Variants in KATNAL2 observed in about 807,000 individuals in gnomAD.
KATNAL2 encodes the protein katanin p60 ATPase-containing subunit A-like 2.
A neutral mutation model predicts 76.3 loss-of-function variants in KATNAL2; 52 were observed. The observed-to-expected ratio is 0.68, with a 90% CI of 0.55 to 0.86. The LOEUF is 0.86. Ranked by LOEUF, KATNAL2 falls within the 40% of genes least tolerant of loss-of-function variation. KATNAL2 has a pLI of 0.00. For missense variants in KATNAL2, 660 were observed against 668.9 expected (o/e 0.99, Z 0.15); for synonymous variants, 243 against 244.2 (o/e 1.00, Z 0.05).
chr18:46,939,758 T>C (rs2059194519), intron 1 of KATNAL2, among the ~76,000 whole-genome samples: 2 of 152,200 alleles, frequency 1.3e-5, no homozygotes, highest in African/African-American at 4.8e-5. Flanking sequence ...GTCATACTAA[T>C]GGCAGGACAC....
At chr18:47,086,466 C>T (rs1049656228) in intron 15 of KATNAL2, among the ~76,000 whole-genome samples, 1 of 152,178 alleles carries the variant, frequency 6.6e-6, no homozygotes, top group Non-Finnish European at 1.5e-5. Flanking sequence ...CAGACACCCA[C>T]CACCATGCCC....
rs1195140135 is a variant in KATNAL2 at position 47,043,226 on chromosome 18, CAAA to C, written c.52-3214_52-3212del. Among the ~76,000 whole-genome samples, 6 of 41,680 alleles carry C rather than the reference CAAA, an allele frequency of 1.4e-4. 1 individual carries two copies. Among genetic ancestry groups the C allele is most frequent in the African/African-American group, 3.2e-4 (3 of 9,358 alleles). The allele number at this position is 41,680 out of a possible 152,430, so 27.3% of individuals were successfully genotyped here. ...CCGGCGACAGAGCGAGACTCCGTTT[CAAA>C]AAAAAAAAAAAAAAAAGAGATCCTA... On this transcript the variant is annotated intron_variant, in intron 3 of 17. Transcript: ENST00000683218.
intron 3 of KATNAL2, chr18:47,032,875 A>T: frequency 6.4e-7 from 1 of 1,562,600 alleles, no homozygotes; most frequent in South Asian, 1.2e-5. Flanking sequence ...CACCTGCAGA[A>T]TTCAAAGGCT....
chr18:46,951,024 T>C (rs143235514), intron 3 of KATNAL2, among the ~76,000 whole-genome samples: 14 of 152,302 alleles, frequency 9.2e-5, no homozygotes, highest in Non-Finnish European at 1.6e-4. Flanking sequence ...TTCTCAGTTA[T>C]AGTCGACTCA....
intron 4 of KATNAL2, 130 bp from the exon 5 acceptor site, chr18:47,052,750 C>T (rs1266423025): frequency 6.7e-6 from 4 of 600,386 alleles, no homozygotes; most frequent in African/African-American, 5.7e-5. Context: ...TATGCACATA[C>T]TAGTTTTCAT....
rs1171392870 is a variant in KATNAL2, at chr18:47,069,222, T to G, written c.828T>G (p.Tyr276Ter). The G allele has an allele frequency of 6.2e-7, 1 of 1,610,232 alleles. No individual in the cohort carries two copies. The highest frequency in any genetic ancestry group is 8.5e-7 in the Non-Finnish European group (1 of 1,177,398). ...VKEAVVYPIRYPQLFTGILSP... is the reference protein window; with the variant it reads ...VKEAVVYPIR The stretch of plus-strand genomic sequence containing the variant: ...ATCCTTGTTCCTTGTTTCCTTAGTA[T>G]CCACAGCTATTTACAGGAATTCTTT... The change falls in exon 12 of 18, where the codon TAT (tyrosine) becomes TAG (stop). Residue 276 changes from tyrosine to a stop codon, truncating the protein, a stop_gained and splice_region_variant. Transcript: ENST00000683218. LOFTEE classifies it high-confidence loss of function.
rs772454293 is a variant in KATNAL2 at position 47,033,696 on chromosome 18, C to G, written c.52-12761C>G. 1.9e-6 allele frequency: 3 copies of G among 1,614,210 alleles called. No individual in the cohort carries two copies. In the East Asian group the frequency reaches 6.7e-5, roughly 36 times the overall value. ...GCTGGCGCAGCGTCGGCACCTGGAG[C>G]TGGCAGGCAGGCCTGGAGCCCGAGT... On this transcript the variant is annotated intron_variant, in intron 3 of 17. Transcript: ENST00000683218.
chr18:47,038,088 T>TA (rs1188400352), intron 3 of KATNAL2, among the ~76,000 whole-genome samples: 1,567 of 151,122 alleles, frequency 0.01, 21 homozygotes, highest in African/African-American at 0.033. Context: ...GTGATTCTAA[T>TA]AAAAAAAAAG....
At chr18:46,951,515 T>C (rs866146948) in intron 3 of KATNAL2, among the ~76,000 whole-genome samples, 1 of 151,774 alleles carries the variant, frequency 6.6e-6, no homozygotes, top group Non-Finnish European at 1.5e-5. Flanking sequence ...TTTTTTTTTT[T>C]CCTAGGAAAT....
At position 47,077,467 on chromosome 18, in the gene KATNAL2, A is replaced by G. The variant is rs751336226; in HGVS notation, c.1211+6A>G. 2 of 1,595,198 alleles carry G rather than the reference A, an allele frequency of 1.3e-6. No individual in the cohort carries two copies. Among genetic ancestry groups the G allele is most frequent in the South Asian group, 2.2e-5 (2 of 90,664 alleles). On this transcript the variant is annotated splice_donor_region_variant and intron_variant, in intron 15 of 17. Coordinates refer to ENST00000683218, the MANE Select transcript of KATNAL2 (RefSeq NM_001387690.1). ...GCAGCTTCTAACCTGCCGTGGTAAG[A>G]GACCAAGAGAGTAAATTTTGAATAC...
At chr18:47,086,226 C>T (rs1375410449) in intron 15 of KATNAL2, among the ~76,000 whole-genome samples, 2 of 152,180 alleles carry the variant, frequency 1.3e-5, no homozygotes, top group African/African-American at 2.4e-5. Flanking sequence ...ATTTGAAAAC[C>T]TTTTGGAAGA....
chr18:47,071,808 T>A (rs16952905), intron 13 of KATNAL2, among the ~76,000 whole-genome samples: 4,375 of 151,760 alleles, frequency 0.029, 207 homozygotes, highest in African/African-American at 0.1. Flanking sequence ...TGTGTGAGCA[T>A]TGTATTTACT....
intron 15 of KATNAL2, among the ~76,000 whole-genome samples, chr18:47,079,589 G>A (rs938127297): frequency 1.3e-5 from 2 of 151,864 alleles, no homozygotes; most frequent in Admixed American, 6.6e-5. Context: ...TAGAGATGGG[G>A]TTTCACCATG....
rs1054312808 is a variant in KATNAL2 at position 47,043,244 on chromosome 18, A to G, written c.52-3213A>G. Among the ~76,000 whole-genome samples, 7 of 149,988 alleles carry G rather than the reference A, an allele frequency of 4.7e-5. 1 individual carries two copies. Among genetic ancestry groups the G allele is most frequent in the Admixed American group, 2.0e-4 (3 of 15,016 alleles). On this transcript the variant is annotated intron_variant, in intron 3 of 17. Transcript: ENST00000683218. Reference sequence around the variant, plus strand: ...TCCGTTTCAAAAAAAAAAAAAAAAAAAGAGATCCTAAAAGCTTCCTGGGAA... The same window carrying G: ...TCCGTTTCAAAAAAAAAAAAAAAAAGAGAGATCCTAAAAGCTTCCTGGGAA...
intron 8 of KATNAL2, among the ~76,000 whole-genome samples, chr18:47,062,354 A>G (rs2061660279): frequency 6.6e-6 from 1 of 151,958 alleles, no homozygotes; most frequent in South Asian, 2.1e-4. Flanking sequence ...ACTGCATAAC[A>G]GAGTGAGATC....
At chr18:47,032,886 C>A in intron 3 of KATNAL2, 1 of 1,579,816 alleles carries the variant, frequency 6.3e-7, no homozygotes, top group Non-Finnish European at 8.6e-7. Flanking sequence ...TTCAAAGGCT[C>A]AACTTTGCAC....
At chr18:47,078,317 C>A (rs769389491) in intron 15 of KATNAL2, among the ~76,000 whole-genome samples, 1 of 152,078 alleles carries the variant, frequency 6.6e-6, no homozygotes, top group Non-Finnish European at 1.5e-5. Flanking sequence ...GGGACCCCCC[C>A]CAAACCAGAA....
At position 47,049,482 on chromosome 18, in the gene KATNAL2, C is replaced by T. The variant is rs139131701; in HGVS notation, c.122+2955C>T. ...CCCTGAGTTAAAATACCTCAAGGTG[C>T]TTTTCTGAGTGTGTGCAGCACTTGG... On this transcript the variant is annotated intron_variant, in intron 4 of 17. Coordinates refer to ENST00000683218, the MANE Select transcript of KATNAL2 (RefSeq NM_001387690.1). 6.6e-5 allele frequency among the ~76,000 whole-genome samples: 10 copies of T among 152,128 alleles called. No individual in the cohort carries two copies. The East Asian group carries it at 1.9e-3, about 29-fold the overall frequency.
chr18:47,063,458 C>G (rs1253151358), intron 10 of KATNAL2, 97 bp downstream of exon 10: 1 of 874,172 alleles, frequency 1.1e-6, no homozygotes, highest in Non-Finnish European at 1.8e-6. Flanking sequence ...TAAATATGAT[C>G]ATTTATTTAT....
Sources: gnomAD v4.1 joint callset for allele counts (sites outside exome capture counted in the v4.1 genomes callset) on GRCh38, gnomAD v4.1.1 for gene constraint, MANE v1.5 for transcripts, NCBI Gene and HGNC (gene_info 2026-07-23, HGNC 2026-07-21) for gene names.